The following ANKRD10 variants were observed in gnomAD, a reference collection of about 807,000 sequenced individuals.
The protein encoded by ANKRD10 is ankyrin repeat domain 10, also known as ankyrin repeat domain-containing protein 10.
ANKRD10 carries 14 observed loss-of-function variants against 27.0 expected under a neutral mutation model. The ratio of observed to expected loss-of-function variants is 0.52; its 90% CI spans 0.34 to 0.81. The LOEUF is 0.81. ANKRD10 is among the 40% of genes least tolerant of loss of function. The pLI is 0.01. For synonymous variants in ANKRD10, 250 were observed against 224.5 expected (o/e 1.11, Z -1.01); for missense variants, 493 against 544.0 (o/e 0.91, Z 0.93).
At chr13:110,892,201 G>A (rs1394000383) in intron 4 of ANKRD10, among the ~76,000 whole-genome samples, 2 of 149,746 alleles carry the variant, frequency 1.3e-5, no homozygotes, top group East Asian at 2.0e-4. Flanking sequence ...GGAGGCCGAG[G>A]CAGGTGGCTT....
At position 110,890,459 on chromosome 13, in the gene ANKRD10, AAC is replaced by A. The variant is rs752305723; in HGVS notation, c.691+2567_691+2568del. Among the ~76,000 whole-genome samples, 19 of 152,304 alleles carry A rather than the reference AAC, an allele frequency of 1.2e-4. No homozygotes were observed. The East Asian group carries it at 1.7e-3, about 14-fold the overall frequency. ...GCTCACACAGACACAAAAAAATATAAACACACTCTTGTGACGAGTGTGGCAAA... is the reference window on the plus strand; with the variant it reads ...GCTCACACAGACACAAAAAAATATAAACACTCTTGTGACGAGTGTGGCAAA... On this transcript the variant is annotated intron_variant, in intron 4 of 5. Transcript: ENST00000267339.
chr13:110,893,369 A>T (rs2065134320), intron 3 of ANKRD10, 106 bp from the exon 4 acceptor site: 1 of 988,788 alleles, frequency 1.0e-6, no homozygotes, highest in Admixed American at 2.8e-5. Context: ...AGAGTAAACA[A>T]ATTCATAGCA....
chr13:110,910,553 G>A (rs554897390), intron 2 of ANKRD10, 65 bp downstream of exon 2: 57 of 1,582,550 alleles, frequency 3.6e-5, no homozygotes, highest in South Asian at 3.1e-4. Flanking sequence ...AAGCAATACC[G>A]TGTATAATTA....
chr13:110,904,414 A>G (rs1312375293), intron 3 of ANKRD10: 1 of 152,222 alleles, frequency 6.6e-6, no homozygotes, highest in Non-Finnish European at 1.5e-5. Context: ...AAAAAAGGAC[A>G]TCGTGATATT....
At chr13:110,903,129 T>C (rs888697626) in intron 3 of ANKRD10, among the ~76,000 whole-genome samples, 1 of 152,188 alleles carries the variant, frequency 6.6e-6, no homozygotes, top group Non-Finnish European at 1.5e-5. Context: ...TGTAATAGTA[T>C]ATCCTCTTCT....
At chr13:110,885,947 TCTC>T (rs2064918711) in intron 4 of ANKRD10, among the ~76,000 whole-genome samples, 1 of 152,182 alleles carries the variant, frequency 6.6e-6, no homozygotes, top group Admixed American at 6.5e-5. Flanking sequence ...GTGTTTGTCT[TCTC>T]CTTCACTAGG....
chr13:110,889,393 TTTTA>T (rs2065017855), intron 4 of ANKRD10, among the ~76,000 whole-genome samples: 1 of 152,234 alleles, frequency 6.6e-6, no homozygotes, highest in Admixed American at 6.5e-5. Context: ...TAACTGTGGA[TTTTA>T]TTTCACACTC....
At chr13:110,909,304 T>A (rs1247079312) in intron 2 of ANKRD10, among the ~76,000 whole-genome samples, 2 of 152,190 alleles carry the variant, frequency 1.3e-5, no homozygotes, top group Non-Finnish European at 2.9e-5. Flanking sequence ...AGCCACAAAG[T>A]TAATGACTTG....
intron 3 of ANKRD10, among the ~76,000 whole-genome samples, chr13:110,896,322 C>A (rs536907365): frequency 6.6e-6 from 1 of 152,352 alleles, no homozygotes; most frequent in East Asian, 1.9e-4. Flanking sequence ...TCAATTCTAT[C>A]ATTTTCCTTG....
At chr13:110,900,135 A>T (rs2065344858) in intron 3 of ANKRD10, among the ~76,000 whole-genome samples, 2 of 152,214 alleles carry the variant, frequency 1.3e-5, no homozygotes, top group Non-Finnish European at 2.9e-5. Flanking sequence ...AAGAACTTTA[A>T]AAATTAGGCT....
intron 3 of ANKRD10, among the ~76,000 whole-genome samples, chr13:110,902,425 T>C (rs1309193650): frequency 1.3e-5 from 2 of 152,206 alleles, no homozygotes; most frequent in Non-Finnish European, 2.9e-5. Context: ...TCCATTTTAA[T>C]TAAAATTTCT....
chr13:110,882,497 T>C (rs1462881580), intron 5 of ANKRD10, among the ~76,000 whole-genome samples: 1 of 152,242 alleles, frequency 6.6e-6, no homozygotes, highest in African/African-American at 2.4e-5. Context: ...GCTGGGTTTT[T>C]CAAAAGTATG....
intron 3 of ANKRD10, among the ~76,000 whole-genome samples, chr13:110,895,489 A>G (rs1320180028): frequency 6.6e-6 from 1 of 152,158 alleles, no homozygotes; most frequent in Non-Finnish European, 1.5e-5. Flanking sequence ...TGGGAGGCTG[A>G]GGCAGGAGAA....
rs1410478930 is a variant in ANKRD10 at position 110,914,358 on chromosome 13, T to G, written c.210+367A>C. ...AATCGCTCGCGCCTCCGGCCCGGCCTGGAGGGCCCCGCACCATCCGCGCGC... is the reference window on the plus strand; with the variant it reads ...AATCGCTCGCGCCTCCGGCCCGGCCGGGAGGGCCCCGCACCATCCGCGCGC... On this transcript the variant is annotated intron_variant, in intron 1 of 5. Transcript: ENST00000267339. 3 of 169,894 alleles carry G rather than the reference T, an allele frequency of 1.8e-5. 1 individual carries two copies. Among genetic ancestry groups the G allele is most frequent in the Admixed American group, 6.3e-5 (1 of 15,770 alleles). The allele number at this position is 169,894 out of a possible 1,614,324, so 10.5% of individuals were successfully genotyped here.
intron 4 of ANKRD10, 51 bp downstream of exon 4, chr13:110,892,977 T>C (rs780552170): frequency 1.3e-6 from 2 of 1,599,232 alleles, no homozygotes; most frequent in African/African-American, 1.4e-5. Context: ...AGAAAACATA[T>C]TACAGAAAGG....
intron 3 of ANKRD10, chr13:110,894,076 C>T: frequency 6.9e-7 from 1 of 1,444,412 alleles, no homozygotes; most frequent in Non-Finnish European, 9.7e-7. Context: ...AGTGAAAGAG[C>T]TGAATAAAAT....
intron 3 of ANKRD10, among the ~76,000 whole-genome samples, chr13:110,904,580 A>G (rs149321296): frequency 0.011 from 1,666 of 152,346 alleles, 21 homozygotes; most frequent in Middle Eastern, 0.058. Context: ...TAATCATGTT[A>G]TGACTCCGTA....
At chr13:110,893,742 A>G (rs766653984) in intron 3 of ANKRD10, among the ~76,000 whole-genome samples, 46 of 152,254 alleles carry the variant, frequency 3.0e-4, no homozygotes, top group Non-Finnish European at 4.4e-4. Context: ...TACATGTGAC[A>G]CTGTAAGTGG....
chr13:110,903,532 G>T (rs147774607), intron 3 of ANKRD10: 1 of 154,676 alleles, frequency 6.5e-6, no homozygotes, highest in Admixed American at 6.5e-5. Context: ...TTATCTTACA[G>T]ATGCAACCTA....
Sources: gnomAD v4.1 joint callset for allele counts (sites outside exome capture counted in the v4.1 genomes callset) on GRCh38, gnomAD v4.1.1 for gene constraint, MANE v1.5 for transcripts, NCBI Gene and HGNC (gene_info 2026-07-23, HGNC 2026-07-21) for gene names.